The following ANKRD36 variants were observed in gnomAD, a reference collection of about 807,000 sequenced individuals.
ANKRD36 encodes ankyrin repeat domain 36, also known as ankyrin repeat domain-containing protein 36A.
A neutral mutation model predicts 278.1 loss-of-function variants in ANKRD36; 179 were observed. The observed-to-expected ratio is 0.64, with a 90% confidence interval of 0.57 to 0.73. ANKRD36 has a LOEUF of 0.73. ANKRD36 is among the 30% of genes least tolerant of loss of function. The pLI is 0.00. For missense variants in ANKRD36, 1,159 were observed against 1,956.7 expected (o/e 0.59, Z 7.69); for synonymous variants, 320 against 641.1 (o/e 0.50, Z 7.57).
intron 22 of ANKRD36, among the ~76,000 whole-genome samples, chr2:97,176,227 TA>T (rs1174775301): frequency 6.6e-6 from 1 of 151,764 alleles, no homozygotes; most frequent in African/African-American, 2.4e-5. Context: ...AGTGGGGTGT[TA>T]AAGTCTCCCA....
chr2:97,171,385 G>A (rs1156399661), intron 22 of ANKRD36, among the ~76,000 whole-genome samples: 1 of 147,494 alleles, frequency 6.8e-6, no homozygotes, highest in Non-Finnish European at 1.5e-5. Flanking sequence ...AAAATGATGA[G>A]TTCATGTCCT....
chr2:97,202,797 TAGG>T (rs1263742947), intron 48 of ANKRD36, among the ~76,000 whole-genome samples: 1 of 151,768 alleles, frequency 6.6e-6, no homozygotes, highest in Admixed American at 6.6e-5. Flanking sequence ...GTACACACTG[TAGG>T]AGAAGTAAGG....
At chr2:97,116,687 A>G (rs941703065) in intron 1 of ANKRD36, among the ~76,000 whole-genome samples, 2 of 152,164 alleles carry the variant, frequency 1.3e-5, no homozygotes, top group Admixed American at 6.6e-5. Flanking sequence ...ATTTTAGTAC[A>G]TAAATAGGTT....
Position 97,142,754 on chromosome 2 carries a change from C to G in ANKRD36, c.829-9C>G. On this transcript the variant is annotated splice_polypyrimidine_tract_variant and intron_variant, in intron 7 of 75. Coordinates refer to ENST00000420699, the MANE Select transcript of ANKRD36 (RefSeq NM_001354587.1). Reference sequence around the variant, plus strand: ...ATGTATTGATTATTTTGTTTCAAATCCCACTCAGGCTACAAGTGGCAAGGA... The same window carrying G: ...ATGTATTGATTATTTTGTTTCAAATGCCACTCAGGCTACAAGTGGCAAGGA... The G allele has an allele frequency of 6.2e-7, 1 of 1,600,438 alleles. No individual in the cohort carries two copies. Among genetic ancestry groups the G allele is most frequent in the Non-Finnish European group, 8.5e-7 (1 of 1,174,058 alleles).
At chr2:97,183,810 G>A (rs1382919383) in intron 28 of ANKRD36, among the ~76,000 whole-genome samples, 156 bp downstream of exon 28, 1 of 151,726 alleles carries the variant, frequency 6.6e-6, no homozygotes, top group African/African-American at 2.4e-5. Context: ...TGGTGCTGAT[G>A]CTGCTGGTCC....
chr2:97,131,976 G>T (rs1212661535), intron 6 of ANKRD36, among the ~76,000 whole-genome samples: 1 of 151,764 alleles, frequency 6.6e-6, no homozygotes, highest in Non-Finnish European at 1.5e-5. Context: ...CTACAGGCCT[G>T]CACCACCACG....
Position 97,207,749 on chromosome 2 carries a change from A to T in ANKRD36, c.3164-62A>T. ...CAGAGGTTGATGCTAACACTGTATG[A>T]ATGTATGGATAATTTTGTCATTTTT... On this transcript the variant is annotated intron_variant, in intron 52 of 75. Coordinates refer to ENST00000420699, the MANE Select transcript of ANKRD36 (RefSeq NM_001354587.1). 2 of 1,541,926 alleles carry T rather than the reference A, an allele frequency of 1.3e-6. 1 individual carries two copies. Among genetic ancestry groups the T allele is most frequent in the South Asian group, 2.4e-5 (2 of 83,584 alleles).
In ANKRD36 at chr2:97,209,804, C is replaced by A; in HGVS notation, c.3299C>A (p.Thr1100Lys). The change falls in exon 56 of 76, where the codon ACA (threonine) becomes AAA (lysine). Residue 1100 changes from threonine to lysine, a missense_variant. Physicochemically the swap from Thr to Lys is moderately conservative, Grantham distance 78 (BLOSUM62 -1). Transcript: ENST00000420699. ...SSRKKPALKATSDEKDSVLYI... is the reference protein window; with the variant it reads ...SSRKKPALKAKSDEKDSVLYI... ...TTCATTTCAAATTCCATTCAGGCTACAAGTGACGAGAAAGATTCTGTTTTG... is the reference window on the plus strand; with the variant it reads ...TTCATTTCAAATTCCATTCAGGCTAAAAGTGACGAGAAAGATTCTGTTTTG... The A allele has an allele frequency of 6.2e-7, 1 of 1,600,764 alleles. No homozygotes were observed. The highest frequency in any genetic ancestry group is 8.5e-7 in the Non-Finnish European group (1 of 1,175,962).
intron 1 of ANKRD36, among the ~76,000 whole-genome samples, chr2:97,116,758 G>T (rs2035498721): frequency 6.6e-6 from 1 of 151,960 alleles, no homozygotes; most frequent in South Asian, 2.1e-4. Flanking sequence ...TAGTTTATCA[G>T]TGTCCTCATG....
At chr2:97,158,270 C>T (rs1267288374) in intron 16 of ANKRD36, 103 bp downstream of exon 16, 4 of 1,329,388 alleles carry the variant, frequency 3.0e-6, no homozygotes, top group Non-Finnish European at 4.1e-6. Flanking sequence ...CACTGTTGCC[C>T]AGGCTGGAGT....
intron 36 of ANKRD36, among the ~76,000 whole-genome samples, chr2:97,192,400 G>A (rs1038002332): frequency 3.3e-5 from 5 of 151,712 alleles, no homozygotes; most frequent in Non-Finnish European, 7.4e-5. Flanking sequence ...TCATAATTGT[G>A]TGCTTTCTCA....
At chr2:97,210,777 AT>A (rs1339579348) in intron 56 of ANKRD36, among the ~76,000 whole-genome samples, 3 of 151,886 alleles carry the variant, frequency 2.0e-5, no homozygotes, top group African/African-American at 4.8e-5. Context: ...TGATTTCTGA[AT>A]GAAAAACTGA....
At chr2:97,200,007 G>A (rs528833079) in intron 44 of ANKRD36, among the ~76,000 whole-genome samples, 1 of 152,014 alleles carries the variant, frequency 6.6e-6, no homozygotes, top group South Asian at 2.1e-4. Context: ...TGATTCTCAC[G>A]TATATGAGTT....
chr2:97,123,882 A>G (rs1175806842), intron 4 of ANKRD36, among the ~76,000 whole-genome samples: 3 of 146,890 alleles, frequency 2.0e-5, no homozygotes, highest in Non-Finnish European at 3.0e-5. Context: ...TATAGATTAT[A>G]TATACTAATT....
At chr2:97,242,181 G>A (rs139231798) in intron 69 of ANKRD36, among the ~76,000 whole-genome samples, 6 of 151,310 alleles carry the variant, frequency 4.0e-5, no homozygotes, top group East Asian at 1.9e-4. Context: ...TCCCAGCTAC[G>A]CAGGAGGCTG....
intron 30 of ANKRD36, 46 bp from the exon 31 acceptor site, chr2:97,187,152 T>G: frequency 6.2e-7 from 1 of 1,606,998 alleles, no homozygotes; most frequent in Non-Finnish European, 8.5e-7. Flanking sequence ...ATGGAAAATG[T>G]ATCATATTTA....
At chr2:97,233,598 T>TA (rs1337785280) in intron 67 of ANKRD36, 132 bp from the exon 68 acceptor site, 168 of 1,473,448 alleles carry the variant, frequency 1.1e-4, no homozygotes, top group Admixed American at 4.2e-4. Flanking sequence ...GGAAATTGCT[T>TA]AAAAAAAAAG....
chr2:97,178,420 A>T (rs1374242523), intron 22 of ANKRD36, among the ~76,000 whole-genome samples: 2 of 151,902 alleles, frequency 1.3e-5, no homozygotes, highest in Non-Finnish European at 2.9e-5. Flanking sequence ...AAAGACTTGG[A>T]ACCAACCCAA....
At chr2:97,213,901 C>A (rs1422889408) in intron 60 of ANKRD36, among the ~76,000 whole-genome samples, 1 of 151,750 alleles carries the variant, frequency 6.6e-6, no homozygotes, top group African/African-American at 2.4e-5. Context: ...TGCTTTAATT[C>A]TACAGCATGT....
Sources: gnomAD v4.1 joint callset for allele counts (sites outside exome capture counted in the v4.1 genomes callset) on GRCh38, gnomAD v4.1.1 for gene constraint, MANE v1.5 for transcripts, NCBI Gene and HGNC (gene_info 2026-07-23, HGNC 2026-07-21) for gene names.